Variants in VEPH1 observed in about 807,000 individuals in gnomAD.
VEPH1 encodes ventricular zone-expressed PH domain-containing protein homolog 1.
A neutral mutation model predicts 85.2 loss-of-function variants in VEPH1; 80 were observed. That is an observed-to-expected ratio of 0.94 (90% CI 0.78 to 1.13). The LOEUF (loss-of-function observed/expected upper bound fraction) is 1.13, where lower values mean the gene tolerates loss of function less well. Among genes scored for constraint, VEPH1 ranks in the 50% most tolerant of loss-of-function variants. The probability of loss-of-function intolerance (pLI) is 0.00; values close to 1 mark genes in which losing one functional copy is unlikely to be tolerated. For missense variants in VEPH1, 955 were observed against 980.5 expected, an observed-to-expected ratio of 0.97 and a Z score of 0.35; for synonymous variants, 297 against 348.0, an observed-to-expected ratio of 0.85 and a Z score of 1.63.
chr3:157,274,199 C>T (rs2108303306), intron 12 of VEPH1, among the ~76,000 whole-genome samples: 1 of 152,332 alleles, frequency 6.6e-6, no homozygotes, highest in East Asian at 1.9e-4. Flanking sequence ...CAACAGTTGA[C>T]AGTGGCCTTG....
chr3:157,417,613 C>G (rs548895270), intron 5 of VEPH1, among the ~76,000 whole-genome samples: 1 of 152,294 alleles, frequency 6.6e-6, no homozygotes, highest in Admixed American at 6.5e-5. Context: ...TCTGCAGACT[C>G]TTCCCCCATG....
chr3:157,480,136 T>A (rs1439143832), intron 2 of VEPH1, among the ~76,000 whole-genome samples: 1 of 151,688 alleles, frequency 6.6e-6, no homozygotes, highest in Non-Finnish European at 1.5e-5. Flanking sequence ...ATTTCCAGTG[T>A]TCTTCATTTT....
chr3:157,371,856 C>G (rs1162497342), intron 7 of VEPH1, among the ~76,000 whole-genome samples: 1 of 152,094 alleles, frequency 6.6e-6, no homozygotes, highest in African/African-American at 2.4e-5. Flanking sequence ...TTCAGATGGA[C>G]CCCGAATCTT....
chr3:157,261,323 A>G lies in VEPH1; in HGVS notation c.2313T>C (p.Ser771=). Reference sequence around the variant, plus strand: ...TGCGTTTCTTGGCCACAGCCTTCACACTCTGTACTTTGCTGAGTTCTATTG... The same window carrying G: ...TGCGTTTCTTGGCCACAGCCTTCACGCTCTGTACTTTGCTGAGTTCTATTG... ...DCPIELSKVQ[S]VKAVAKKRRD... Residue 771 remains serine, a synonymous_variant, in exon 14 of 14, where the codon AGT becomes AGC. Coordinates refer to ENST00000362010, the MANE Select transcript of VEPH1 (RefSeq NM_001167912.2). 1 of 1,613,442 alleles carries G rather than the reference A, an allele frequency of 6.2e-7. No individual in the cohort carries two copies. The highest frequency in any genetic ancestry group is 8.5e-7 in the Non-Finnish European group (1 of 1,179,676).
intron 2 of VEPH1, among the ~76,000 whole-genome samples, chr3:157,485,856 A>T (rs962883560): frequency 2.0e-5 from 3 of 152,106 alleles, no homozygotes; most frequent in Non-Finnish European, 2.9e-5. Flanking sequence ...AACAGGCAAA[A>T]CTTATTAGGA....
At chr3:157,321,421 A>C (rs1721335172) in intron 9 of VEPH1, among the ~76,000 whole-genome samples, 1 of 152,214 alleles carries the variant, frequency 6.6e-6, no homozygotes, top group African/African-American at 2.4e-5. Context: ...ACTAATTTTC[A>C]CTGACTCCTT....
At chr3:157,474,841 C>T (rs527915455) in intron 2 of VEPH1, among the ~76,000 whole-genome samples, 1 of 151,878 alleles carries the variant, frequency 6.6e-6, no homozygotes, top group African/African-American at 2.4e-5. Flanking sequence ...AAGAAATAGC[C>T]TATATATTAG....
intron 11 of VEPH1, among the ~76,000 whole-genome samples, chr3:157,307,749 A>G (rs1335459700): frequency 6.6e-6 from 1 of 151,908 alleles, no homozygotes; most frequent in Non-Finnish European, 1.5e-5. Context: ...TGTTGTCATT[A>G]GGATTGGTTA....
intron 11 of VEPH1, among the ~76,000 whole-genome samples, chr3:157,307,512 C>T (rs1049439056): frequency 1.3e-5 from 2 of 151,860 alleles, no homozygotes; most frequent in Non-Finnish European, 2.9e-5. Flanking sequence ...ACATATTTTA[C>T]TTTCTCTTCG....
chr3:157,283,672 C>T (rs1577234164), intron 12 of VEPH1, among the ~76,000 whole-genome samples: 1 of 152,206 alleles, frequency 6.6e-6, no homozygotes, highest in Non-Finnish European at 1.5e-5. Flanking sequence ...TGAGTCTACA[C>T]AGTTAAGAAG....
At chr3:157,437,493 G>T (rs1733699321) in intron 4 of VEPH1, 3 of 1,595,296 alleles carry the variant, frequency 1.9e-6, no homozygotes, top group African/African-American at 2.7e-5. Context: ...CTGCTAACGT[G>T]TGTGTATCCC....
intron 4 of VEPH1, chr3:157,437,457 G>C (rs1733692003): frequency 6.4e-7 from 1 of 1,558,108 alleles, no homozygotes; most frequent in Non-Finnish European, 8.7e-7. Context: ...CTTTTACAAA[G>C]CACATCCAAG....
At chr3:157,459,899 C>T in intron 4 of VEPH1, 1 of 1,537,100 alleles carries the variant, frequency 6.5e-7, no homozygotes, top group Non-Finnish European at 8.7e-7. Context: ...AACAGGTGAC[C>T]AGAAGCACGG....
intron 4 of VEPH1, among the ~76,000 whole-genome samples, chr3:157,453,160 G>A (rs77877464): frequency 1.6e-3 from 251 of 152,264 alleles, no homozygotes; most frequent in Non-Finnish European, 2.2e-3. Context: ...TACACCAATC[G>A]CAAAAGTAAA....
intron 2 of VEPH1, among the ~76,000 whole-genome samples, chr3:157,474,720 C>T (rs556964707): frequency 6.6e-6 from 1 of 152,130 alleles, no homozygotes; most frequent in South Asian, 2.1e-4. Flanking sequence ...AGTGGGCAAA[C>T]TCTCACAATT....
intron 13 of VEPH1, among the ~76,000 whole-genome samples, chr3:157,263,427 C>T (rs1713178668): frequency 6.6e-6 from 1 of 151,070 alleles, no homozygotes; most frequent in Admixed American, 6.6e-5. Flanking sequence ...TTCAGAAAAA[C>T]ATTCTCATAG....
At chr3:157,456,189 C>T (rs2109336087) in intron 4 of VEPH1, among the ~76,000 whole-genome samples, 1 of 152,210 alleles carries the variant, frequency 6.6e-6, no homozygotes, top group African/African-American at 2.4e-5. Context: ...AGTGTCTTTT[C>T]ATGTCCTTTG....
At chr3:157,502,849 G>A (rs538531464) in intron 1 of VEPH1, among the ~76,000 whole-genome samples, 1 of 152,236 alleles carries the variant, frequency 6.6e-6, no homozygotes, top group Non-Finnish European at 1.5e-5. Context: ...CCCACTGACT[G>A]TAATGATGCT....
At chr3:157,410,027 G>C (rs1408176074) in intron 6 of VEPH1, 1 of 785,574 alleles carries the variant, frequency 1.3e-6, no homozygotes, top group Non-Finnish European at 1.5e-6. Context: ...AGTTGGAGCA[G>C]GATCTCAAAG....
Sources: allele counts gnomAD v4.1 joint callset (sites outside exome capture counted in the v4.1 genomes callset), GRCh38; gene constraint gnomAD v4.1.1; transcripts MANE v1.5; gene names NCBI Gene and HGNC (gene_info 2026-07-23, HGNC 2026-07-21).